The following RBFOX3 variants were observed in gnomAD, a reference collection of about 807,000 sequenced individuals.
RBFOX3 encodes the protein RNA binding protein fox-1 homolog 3.
RBFOX3 carries 17 observed loss-of-function variants against 48.7 expected under a neutral mutation model. That is an observed-to-expected ratio of 0.35 (90% CI 0.24 to 0.52). The LOEUF is 0.52. RBFOX3 is among the 20% of genes least tolerant of loss of function. RBFOX3 has a pLI of 0.94. For synonymous variants in RBFOX3, 212 were observed against 209.5 expected, an observed-to-expected ratio of 1.01 and a Z score of -0.10; for missense variants, 382 against 497.5, an observed-to-expected ratio of 0.77 and a Z score of 2.21.
At chr17:79,553,497 TTTC>T (rs2091340724) in intron 1 of RBFOX3, among the ~76,000 whole-genome samples, 1 of 152,234 alleles carries the variant, frequency 6.6e-6, no homozygotes, top group African/African-American at 2.4e-5. Context: ...ACTTAGACTT[TTTC>T]TTCTTTATCT....
At chr17:79,400,183 G>A (rs2062609148) in intron 2 of RBFOX3, among the ~76,000 whole-genome samples, 1 of 152,132 alleles carries the variant, frequency 6.6e-6, no homozygotes, top group South Asian at 2.1e-4. Context: ...CACAAACTGG[G>A]TGGCTCAGAG....
At chr17:79,245,562 G>A (rs2063047825) in intron 3 of RBFOX3, among the ~76,000 whole-genome samples, 1 of 148,160 alleles carries the variant, frequency 6.7e-6, no homozygotes, top group Non-Finnish European at 1.5e-5. Flanking sequence ...TTGTGAGGCT[G>A]AGTGATATTC....
At chr17:79,555,782 T>C (rs1283928405) in intron 1 of RBFOX3, among the ~76,000 whole-genome samples, 23 of 151,936 alleles carry the variant, frequency 1.5e-4, no homozygotes, top group African/African-American at 4.6e-4. Context: ...ATGGTGATAA[T>C]GGCAGTGATG....
chr17:79,189,443 C>T (rs1327224776), intron 4 of RBFOX3, among the ~76,000 whole-genome samples: 1 of 152,242 alleles, frequency 6.6e-6, no homozygotes, highest in Non-Finnish European at 1.5e-5. Context: ...CCTTGGCTCT[C>T]TCTCCTAACA....
At chr17:79,489,527 T>G (rs2080176145) in intron 1 of RBFOX3, among the ~76,000 whole-genome samples, 1 of 152,158 alleles carries the variant, frequency 6.6e-6, no homozygotes. Context: ...ACTCCTGAGC[T>G]CAAGCGATCC....
chr17:79,109,473 C>T (rs1222811788), intron 5 of RBFOX3, among the ~76,000 whole-genome samples: 1 of 152,224 alleles, frequency 6.6e-6, no homozygotes, highest in Non-Finnish European at 1.5e-5. Context: ...AGCCCAGTTT[C>T]CCAGTTCTGC....
intron 2 of RBFOX3, among the ~76,000 whole-genome samples, chr17:79,397,973 C>T (rs758983925): frequency 2.0e-5 from 3 of 152,132 alleles, no homozygotes; most frequent in Admixed American, 1.3e-4. Context: ...AGAATATTCT[C>T]GTCTGCGGTC....
At chr17:79,291,850 T>C (rs2073331239) in intron 3 of RBFOX3, among the ~76,000 whole-genome samples, 1 of 152,332 alleles carries the variant, frequency 6.6e-6, no homozygotes, top group African/African-American at 2.4e-5. Flanking sequence ...CCTTTGCAGG[T>C]TGGCTATGAG....
chr17:79,273,610 TG>T (rs1377970479), intron 3 of RBFOX3, among the ~76,000 whole-genome samples: 6 of 149,502 alleles, frequency 4.0e-5, no homozygotes, highest in Non-Finnish European at 5.9e-5. Context: ...GGGCTAGTCC[TG>T]GGGGGCAGCG....
chr17:79,539,598 T>C (rs2089373284), intron 1 of RBFOX3, among the ~76,000 whole-genome samples: 1 of 152,152 alleles, frequency 6.6e-6, no homozygotes. Flanking sequence ...GGAGGAGACA[T>C]TTCCCATTGC....
At chr17:79,513,973 T>C (rs1276260034) in intron 1 of RBFOX3, among the ~76,000 whole-genome samples, 2 of 152,190 alleles carry the variant, frequency 1.3e-5, no homozygotes, top group African/African-American at 2.4e-5. Flanking sequence ...CTGCCCACCA[T>C]GGGCATGTGA....
chr17:79,432,173 C>A (rs1030563161), intron 2 of RBFOX3, among the ~76,000 whole-genome samples: 1 of 152,214 alleles, frequency 6.6e-6, no homozygotes, highest in African/African-American at 2.4e-5. Flanking sequence ...CATGGACAGA[C>A]CACATTTTGT....
chr17:79,255,222 CGTGTGTGTGTGT>C (rs142604866), intron 3 of RBFOX3, among the ~76,000 whole-genome samples: 17 of 147,422 alleles, frequency 1.2e-4, no homozygotes, highest in African/African-American at 2.8e-4. Context: ...CACATGTGTG[CGTGTGTGTGTGT>C]GTGTGTGTGT....
intron 4 of RBFOX3, among the ~76,000 whole-genome samples, chr17:79,209,574 C>T (rs1462756536): frequency 6.6e-6 from 1 of 152,212 alleles, no homozygotes; most frequent in Non-Finnish European, 1.5e-5. Context: ...AGAGATGAAC[C>T]ACCTCGGTAC....
chr17:79,620,628 C>T, the RBFOX3 span, among the ~76,000 whole-genome samples: 4 of 21,734 alleles, frequency 1.8e-4, no homozygotes, highest in African/African-American at 2.9e-4. Flanking sequence ...CGCACATGCA[C>T]ACACGCACAC....
the RBFOX3 span, among the ~76,000 whole-genome samples, chr17:79,625,183 C>A: frequency 2.6e-5 from 4 of 152,164 alleles, no homozygotes; most frequent in African/African-American, 9.7e-5. Context: ...TTCCCCACCC[C>A]CGGGCAACCA....
At chr17:79,191,989 G>C (rs935912858) in intron 4 of RBFOX3, among the ~76,000 whole-genome samples, 1 of 152,172 alleles carries the variant, frequency 6.6e-6, no homozygotes, top group African/African-American at 2.4e-5. Flanking sequence ...AGTTGCCCAA[G>C]AGCAGGGGAA....
intron 2 of RBFOX3, among the ~76,000 whole-genome samples, chr17:79,402,914 T>C (rs1223554482): frequency 6.6e-6 from 1 of 152,018 alleles, no homozygotes; most frequent in Non-Finnish European, 1.5e-5. Context: ...CAGGTCACAT[T>C]CTCAGCAGGA....
intron 10 of RBFOX3, 44 bp from the exon 11 acceptor site, chr17:79,097,468 G>A (rs905498949): frequency 6.7e-7 from 1 of 1,498,506 alleles, no homozygotes; most frequent in Admixed American, 2.1e-5. Flanking sequence ...GGCACAAGGG[G>A]ACCCACCTGG....
Sources: allele counts gnomAD v4.1 joint callset (sites outside exome capture counted in the v4.1 genomes callset), GRCh38; gene constraint gnomAD v4.1.1; transcripts MANE v1.5; gene names NCBI Gene and HGNC (gene_info 2026-07-23, HGNC 2026-07-21).